Variants in RAB27B observed in about 807,000 individuals in gnomAD.
RAB27B encodes the protein ras-related protein Rab-27B.
Under a neutral mutation model 24.6 loss-of-function variants are expected in RAB27B, and 15 were observed. The ratio of observed to expected loss-of-function variants is 0.61; its 90% confidence interval spans 0.41 to 0.94. The LOEUF is 0.94. Ranked by LOEUF, RAB27B falls within the 40% of genes least tolerant of loss-of-function variation. The pLI is 0.00. For missense variants in RAB27B, 261 were observed against 266.8 expected (o/e 0.98, Z 0.15); for synonymous variants, 105 against 92.5 (o/e 1.14, Z -0.78).
chr18:54,877,828 T>C, intron 2 of RAB27B, 90 bp downstream of exon 2: 1 of 1,326,970 alleles, frequency 7.5e-7, no homozygotes, highest in Non-Finnish European at 1.0e-6. Flanking sequence ...TTGGAGTCTG[T>C]CTTTTGTCAC....
intron 2 of RAB27B, chr18:54,745,236 G>T (rs1568050034): frequency 1.1e-5 from 2 of 184,962 alleles, no homozygotes; most frequent in Non-Finnish European, 2.3e-5. Context: ...AACAAGAGAG[G>T]CCCCTCAGTG....
intron 2 of RAB27B, among the ~76,000 whole-genome samples, chr18:54,718,974 T>A (rs572043778): frequency 1.3e-5 from 2 of 152,284 alleles, no homozygotes; most frequent in Admixed American, 6.5e-5. Context: ...TATGCCAAAA[T>A]GTAATAGGCA....
At chr18:54,863,155 A>G (rs1385225151) in intron 1 of RAB27B, among the ~76,000 whole-genome samples, 1 of 152,178 alleles carries the variant, frequency 6.6e-6, no homozygotes, top group Non-Finnish European at 1.5e-5. Flanking sequence ...TAGAATAATG[A>G]TAAAACAGTA....
chr18:54,875,563 T>G (rs1420760511), intron 1 of RAB27B, among the ~76,000 whole-genome samples: 1 of 150,394 alleles, frequency 6.6e-6, no homozygotes, highest in Admixed American at 6.6e-5. Flanking sequence ...TTTGAGAACA[T>G]CCATGGTCAG....
chr18:54,840,891 G>C (rs1445939893), intron 1 of RAB27B, among the ~76,000 whole-genome samples: 1 of 152,106 alleles, frequency 6.6e-6, no homozygotes, highest in Non-Finnish European at 1.5e-5. Context: ...GCTCAAGCCT[G>C]TAATCCCAGC....
At position 54,838,081 on chromosome 18, in the gene RAB27B, G is replaced by A. The variant is rs145099887; in HGVS notation, c.-20+9381G>A. 1.7e-4 allele frequency among the ~76,000 whole-genome samples: 26 copies of A among 152,128 alleles called. 1 individual carries two copies. In the East Asian group the frequency reaches 1.9e-3, roughly 11 times the overall value. On this transcript the variant is annotated intron_variant, in intron 1 of 5. Transcript: ENST00000262094. The stretch of plus-strand genomic sequence containing the variant: ...ATGTACAGCCAATGTTAATTTAAGT[G>A]CAAATTAACTCCCATTCTCTTCATT...
At chr18:54,779,908 C>G (rs971490839) in intron 2 of RAB27B, among the ~76,000 whole-genome samples, 16 of 142,674 alleles carry the variant, frequency 1.1e-4, no homozygotes, top group South Asian at 2.3e-4. Flanking sequence ...CCCTCACCCT[C>G]TCTACCGTCT....
chr18:54,825,924 T>A (rs928213828), upstream of RAB27B, among the ~76,000 whole-genome samples: 4 of 152,234 alleles, frequency 2.6e-5, no homozygotes, highest in African/African-American at 9.6e-5. Context: ...GCAGGAAGAA[T>A]TGGCTTGCTT....
At position 54,894,962 on chromosome 18, in the gene RAB27B, T is replaced by A. The variant is rs1402385546; in HGVS notation, c.*5549T>A. 2.6e-5 allele frequency: 4 copies of A among 152,084 alleles called. No homozygotes were observed. The highest frequency in any genetic ancestry group is 6.6e-5 in the Admixed American group (1 of 15,240). 9.4% of individuals were successfully genotyped at this position (152,084 alleles called of 1,614,324 possible). The stretch of plus-strand genomic sequence containing the variant: ...TACATCTCATTATTGACAAAATATG[T>A]CATCTTGTATTTATTTCAAGGAAAC... On this transcript the variant is annotated 3_prime_UTR_variant, in exon 6 of 6. Coordinates refer to ENST00000262094, the MANE Select transcript of RAB27B (RefSeq NM_004163.4).
intron 2 of RAB27B, among the ~76,000 whole-genome samples, chr18:54,786,355 CAGAG>C (rs1027315686): frequency 7.2e-5 from 11 of 152,204 alleles, no homozygotes; most frequent in African/African-American, 2.7e-4. Context: ...TCATCTCACA[CAGAG>C]AGAAAAGAAT....
rs538707254 is a variant in RAB27B at position 54,793,790 on chromosome 18, A to C, written c.-20+75649A>C. ...GCCAGGCGTGGTGATACACGCCTGC[A>C]GTCCGAACTATTCGGGAAGCAGAGG... On this transcript the variant is annotated intron_variant, in intron 2 of 4. Transcript: ENST00000586570. Among the ~76,000 whole-genome samples, 10 of 152,358 alleles carry C rather than the reference A, an allele frequency of 6.6e-5. No individual in the cohort carries two copies. In the East Asian group the frequency reaches 1.4e-3, roughly 21 times the overall value.
chr18:54,781,228 AAC>A (rs1393420418), intron 2 of RAB27B, among the ~76,000 whole-genome samples: 1 of 152,050 alleles, frequency 6.6e-6, no homozygotes, highest in Middle Eastern at 3.2e-3. Flanking sequence ...CTTTGTCTCT[AAC>A]ATTAGTATAG....
chr18:54,860,051 T>C (rs1911950352), intron 1 of RAB27B, among the ~76,000 whole-genome samples: 1 of 152,160 alleles, frequency 6.6e-6, no homozygotes, highest in Non-Finnish European at 1.5e-5. Context: ...TAATAATTGA[T>C]TAATTGTTTT....
Position 54,895,028 on chromosome 18 carries a change from T to C in RAB27B, c.*5615T>C, listed in dbSNP as rs1195721619. ...AGTATATTACAAGTTGGTCAAAATA[T>C]TCCATGTACAAATAGGGCTTCTGTG... On this transcript the variant is annotated 3_prime_UTR_variant, in exon 6 of 6. Coordinates refer to ENST00000262094, the MANE Select transcript of RAB27B (RefSeq NM_004163.4). 1 of 152,070 alleles carries C rather than the reference T, an allele frequency of 6.6e-6. No individual in the cohort carries two copies. The highest frequency in any genetic ancestry group is 2.4e-5 in the African/African-American group (1 of 41,420). The allele number at this position is 152,070 out of a possible 1,614,324, so 9.4% of individuals were successfully genotyped here. A position where few individuals can be genotyped will look rare whatever the true frequency, so the allele number is the denominator to read the frequency against.
At chr18:54,850,357 T>TATATATATAC (rs1264669719) in intron 1 of RAB27B, among the ~76,000 whole-genome samples, 6 of 130,564 alleles carry the variant, frequency 4.6e-5, no homozygotes, top group African/African-American at 1.2e-4. Flanking sequence ...TATATATATA[T>TATATATATAC]ATACATACAT....
At chr18:54,862,092 T>C (rs902235292) in intron 1 of RAB27B, among the ~76,000 whole-genome samples, 1 of 151,312 alleles carries the variant, frequency 6.6e-6, no homozygotes, top group Non-Finnish European at 1.5e-5. Flanking sequence ...CTTAGAAAAA[T>C]TGAGTCATGC....
chr18:54,844,499 C>G (rs146720135), intron 1 of RAB27B, among the ~76,000 whole-genome samples: 2 of 148,962 alleles, frequency 1.3e-5, no homozygotes, highest in African/African-American at 4.9e-5. Context: ...CTCCACCTCC[C>G]GGTTTCAAGT....
intron 1 of RAB27B, among the ~76,000 whole-genome samples, chr18:54,843,581 C>A (rs1216819819): frequency 6.6e-6 from 1 of 152,118 alleles, no homozygotes; most frequent in African/African-American, 2.4e-5. Flanking sequence ...TCAAAATAAA[C>A]CACACTGGTG....
chr18:54,786,413 C>T (rs1375651874), intron 2 of RAB27B, among the ~76,000 whole-genome samples: 2 of 152,210 alleles, frequency 1.3e-5, no homozygotes, highest in Non-Finnish European at 2.9e-5. Flanking sequence ...TTATTTCTGT[C>T]TCATTCCCTG....
Sources: gnomAD v4.1 joint callset for allele counts (sites outside exome capture counted in the v4.1 genomes callset) on GRCh38, gnomAD v4.1.1 for gene constraint, MANE v1.5 for transcripts, NCBI Gene and HGNC (gene_info 2026-07-23, HGNC 2026-07-21) for gene names.